Variants in GPAT4 observed in about 807,000 individuals in gnomAD.
GPAT4 encodes 1-AGP acyltransferase 6.
In GPAT4, 17 loss-of-function variants were observed where a neutral mutation model predicts 58.0. The ratio of observed to expected loss-of-function variants is 0.29; its 90% CI spans 0.20 to 0.44. The LOEUF is 0.44. GPAT4 is among the 20% of genes least tolerant of loss of function. GPAT4 has a pLI of 1.00. For synonymous variants in GPAT4, 204 were observed against 210.1 expected (o/e 0.97, Z 0.25); for missense variants, 377 against 574.5 (o/e 0.66, Z 3.51).
Position 41,621,142 on chromosome 8 carries a change from C to T in GPAT4, c.*141C>T, listed in dbSNP as rs34591608. The stretch of plus-strand genomic sequence containing the variant: ...CTCTGGATCCCAGGACTCCGGCTTT[C>T]GCCGAGCCGCAGCGGGATCCCTGTG... On this transcript the variant is annotated 3_prime_UTR_variant, in exon 13 of 13. Coordinates refer to ENST00000396987, the MANE Select transcript of GPAT4 (RefSeq NM_178819.4). 30 of 1,241,784 alleles carry T rather than the reference C, an allele frequency of 2.4e-5. No homozygotes were observed. The highest frequency in any genetic ancestry group is 6.2e-5 in the South Asian group (4 of 64,564). The allele number at this position is 1,241,784 out of a possible 1,614,324, so 76.9% of individuals were successfully genotyped here.
intron 2 of GPAT4, among the ~76,000 whole-genome samples, chr8:41,600,489 T>A (rs926062689): frequency 6.6e-6 from 1 of 152,192 alleles, no homozygotes; most frequent in Non-Finnish European, 1.5e-5. Context: ...AAGTGAGCTA[T>A]GTGAAATGTT....
At chr8:41,594,382 C>T (rs962521571) in intron 1 of GPAT4, among the ~76,000 whole-genome samples, 4 of 152,108 alleles carry the variant, frequency 2.6e-5, no homozygotes, top group African/African-American at 7.2e-5. Context: ...TTTTACTTTC[C>T]TAATATACCT....
rs553403692 is a variant in GPAT4 at position 41,606,485 on chromosome 8, G to A, written c.166-2931G>A. 6.6e-5 allele frequency among the ~76,000 whole-genome samples: 10 copies of A among 152,304 alleles called. No homozygotes were observed. In the South Asian group the frequency reaches 2.1e-3, roughly 32 times the overall value. ...CCCAGAGGCATTTTGATTTGGTCCA[G>A]TAGGGTTTGTAGGGGCCAAGGGAAA... On this transcript the variant is annotated intron_variant, in intron 2 of 12. Coordinates refer to ENST00000396987, the MANE Select transcript of GPAT4 (RefSeq NM_178819.4).
At chr8:41,612,135 T>G in intron 6 of GPAT4, 45 bp from the exon 7 acceptor site, 1 of 1,604,508 alleles carries the variant, frequency 6.2e-7, no homozygotes, top group Non-Finnish European at 8.5e-7. Flanking sequence ...TTACATGAAC[T>G]GTTTCACACT....
In GPAT4 at chr8:41,620,283, C is replaced by A. The variant is rs74483726; in HGVS notation, c.1263-610C>A. 9.4e-3 allele frequency among the ~76,000 whole-genome samples: 1,427 copies of A among 151,694 alleles called. 23 individuals carry two copies. The highest frequency in any genetic ancestry group is 0.033 in the African/African-American group (1,374 of 41,290). On this transcript the variant is annotated intron_variant, in intron 12 of 12. Transcript: ENST00000396987. The stretch of plus-strand genomic sequence containing the variant: ...GCAATGGGACTGTAATGAAACAATC[C>A]CAAGTCTGGTGGGTTGGTTTGGGGC...
chr8:41,603,773 T>G (rs1233158617), intron 2 of GPAT4, among the ~76,000 whole-genome samples: 2 of 152,024 alleles, frequency 1.3e-5, no homozygotes, highest in Non-Finnish European at 2.9e-5. Flanking sequence ...AGCTACCATG[T>G]TGTAAGGAAG....
At chr8:41,619,122 C>A in intron 12 of GPAT4, 145 bp downstream of exon 12, 3 of 957,766 alleles carry the variant, frequency 3.1e-6, no homozygotes, top group Non-Finnish European at 4.7e-6. Context: ...GAATTCCAAC[C>A]CAGAAGTGCC....
intron 1 of GPAT4, among the ~76,000 whole-genome samples, chr8:41,593,185 G>T (rs1290530315): frequency 6.6e-6 from 1 of 151,996 alleles, no homozygotes; most frequent in Non-Finnish European, 1.5e-5. Context: ...TACTTTACTT[G>T]TATCACTTAC....
rs374488169 is a variant in GPAT4 at position 41,614,349 on chromosome 8, G to A, written c.912-37G>A. On this transcript the variant is annotated intron_variant, in intron 8 of 12. Coordinates refer to ENST00000396987, the MANE Select transcript of GPAT4 (RefSeq NM_178819.4). ...AACATATTTTGACGATGTGTATAAG[G>A]TTGTCTGACCCTTTATTTTATTTTC... The A allele has an allele frequency of 2.4e-5, 38 of 1,577,062 alleles. No individual in the cohort carries two copies. The African/African-American group carries it at 4.6e-4, about 19-fold the overall frequency.
intron 1 of GPAT4, among the ~76,000 whole-genome samples, chr8:41,581,439 A>C (rs1486190179): frequency 6.6e-6 from 1 of 152,074 alleles, no homozygotes; most frequent in Non-Finnish European, 1.5e-5. Context: ...AGCGTAATAC[A>C]TTTGCACTTG....
intron 2 of GPAT4, among the ~76,000 whole-genome samples, chr8:41,607,469 G>A (rs1803312003): frequency 6.6e-6 from 1 of 151,744 alleles, no homozygotes; most frequent in Non-Finnish European, 1.5e-5. Flanking sequence ...GAGGCCTTAT[G>A]TCATATATTC....
Position 41,621,104 on chromosome 8 carries a change from G to A in GPAT4, c.*103G>A. On this transcript the variant is annotated 3_prime_UTR_variant, in exon 13 of 13. Coordinates refer to ENST00000396987, the MANE Select transcript of GPAT4 (RefSeq NM_178819.4). ...TGCTGTGTCCTTTCCAGACTCCAGGGCTCCCCGGGCTGCTCTGGATCCCAG... is the reference window on the plus strand; with the variant it reads ...TGCTGTGTCCTTTCCAGACTCCAGGACTCCCCGGGCTGCTCTGGATCCCAG... 1 of 1,458,760 alleles carries A rather than the reference G, an allele frequency of 6.9e-7. No homozygotes were observed. The highest frequency in any genetic ancestry group is 2.5e-5 in the East Asian group (1 of 40,152). The allele number at this position is 1,458,760 out of a possible 1,614,324, so 90.4% of individuals were successfully genotyped here. A position where few individuals can be genotyped will look rare whatever the true frequency, so the allele number is the denominator to read the frequency against.
At chr8:41,618,095 G>A (rs931278463) in intron 10 of GPAT4, among the ~76,000 whole-genome samples, 6 of 152,370 alleles carry the variant, frequency 3.9e-5, no homozygotes, top group Middle Eastern at 3.4e-3. Context: ...GGCTGTCAGC[G>A]TGAGCACAGA....
intron 1 of GPAT4, among the ~76,000 whole-genome samples, chr8:41,595,436 A>G (rs1053878338): frequency 2.7e-5 from 4 of 150,666 alleles, no homozygotes; most frequent in African/African-American, 9.8e-5. Context: ...TTCTGTTAGC[A>G]AAGCAGTTGC....
chr8:41,583,305 C>A (rs1013502396), intron 1 of GPAT4, among the ~76,000 whole-genome samples: 1 of 151,626 alleles, frequency 6.6e-6, no homozygotes, highest in Non-Finnish European at 1.5e-5. Context: ...GGAACTCATT[C>A]GTTCCATTTA....
intron 8 of GPAT4, among the ~76,000 whole-genome samples, chr8:41,613,419 A>G (rs1803501176): frequency 2.0e-5 from 3 of 152,024 alleles, no homozygotes; most frequent in Admixed American, 2.0e-4. Flanking sequence ...AGTATTATTT[A>G]CCAAGTTAAT....
chr8:41,622,840 T>C lies in GPAT4; in HGVS notation c.*1839T>C, dbSNP rs2150511035. 6.6e-6 allele frequency: 1 copy of C among 152,368 alleles called. No individual in the cohort carries two copies. Among genetic ancestry groups the C allele is most frequent in the South Asian group, 2.1e-4 (1 of 4,826 alleles). The allele number at this position is 152,368 out of a possible 1,614,324, so 9.4% of individuals were successfully genotyped here. ...TCAGTGTTATGACTAATAAGTCTCT[T>C]AGGAACTGTTTTACAAAATGCTTAA... On this transcript the variant is annotated 3_prime_UTR_variant, in exon 13 of 13. Transcript: ENST00000396987.
rs146167954 is a variant in GPAT4 at position 41,618,635 on chromosome 8, CGTT to C, written c.1054-46_1054-44del. The stretch of plus-strand genomic sequence containing the variant: ...ACAGCAGTCACTGTGGACTCGCAAA[CGTT>C]GTGAGAACTACTCATGTCTTACCTC... On this transcript the variant is annotated intron_variant, in intron 10 of 12. Transcript: ENST00000396987. The C allele has an allele frequency of 5.8e-3, 9,374 of 1,607,836 alleles. 22 individuals carry two copies. The highest frequency in any genetic ancestry group is 7.0e-3 in the Non-Finnish European group (8,262 of 1,176,424).
chr8:41,590,667 G>A (rs752142318), intron 1 of GPAT4, among the ~76,000 whole-genome samples: 6 of 152,194 alleles, frequency 3.9e-5, no homozygotes, highest in East Asian at 1.9e-4. Context: ...GTTAGCAATC[G>A]CAGTGACAGT....
Sources: gnomAD v4.1 joint callset for allele counts (sites outside exome capture counted in the v4.1 genomes callset) on GRCh38, gnomAD v4.1.1 for gene constraint, MANE v1.5 for transcripts, NCBI Gene and HGNC (gene_info 2026-07-23, HGNC 2026-07-21) for gene names.